The following CIITA variants were observed in gnomAD, a reference collection of about 807,000 sequenced individuals.
The protein encoded by CIITA is MHC class II transactivator.
Under a neutral mutation model 115.1 loss-of-function variants are expected in CIITA, and 72 were observed. That is an observed-to-expected ratio of 0.63 (90% CI 0.52 to 0.76). The LOEUF is 0.76. CIITA is among the 30% of genes least tolerant of loss of function. CIITA has a pLI of 0.00. For missense variants in CIITA, 1,617 were observed against 1,463.8 expected (o/e 1.10, Z -1.71); for synonymous variants, 763 against 635.6 (o/e 1.20, Z -3.02).
Position 10,891,973 on chromosome 16 carries a change from C to T in CIITA, c.53-3309C>T, listed in dbSNP as rs115059343. Among the ~76,000 whole-genome samples, 978 of 152,260 alleles carry T rather than the reference C, an allele frequency of 6.4e-3. 9 individuals carry two copies. Among genetic ancestry groups the T allele is most frequent in the African/African-American group, 0.022 (934 of 41,550 alleles). ...TGGAAAGATCATTCTCTGTGACATC[C>T]GGGGGTCTGTGCTGAGCCTCTCCCC... On this transcript the variant is annotated intron_variant, in intron 1 of 19. Transcript: ENST00000324288.
At chr16:10,939,591 A>AT (rs2041073682), downstream of CIITA, 1 of 152,184 alleles carries the variant, frequency 6.6e-6, no homozygotes. This position sits in a 1 kb window ranked among gnomAD's most constrained non-coding sequence, Gnocchi z 4.9. Context: ...CTTCTATCAA[A>AT]TTAAGGCTCA....
chr16:10,913,897 C>T (rs1016157918), intron 13 of CIITA, among the ~76,000 whole-genome samples: 2 of 151,106 alleles, frequency 1.3e-5, no homozygotes, highest in African/African-American at 2.4e-5. Context: ...GCTGAGATCA[C>T]GCCACTGCAG....
At chr16:10,874,522 C>G (rs150373753), upstream of CIITA, among the ~76,000 whole-genome samples, 10 of 152,334 alleles carry the variant, frequency 6.6e-5, no homozygotes, top group African/African-American at 2.4e-4. Flanking sequence ...CATCTGTAGA[C>G]TCTCTACCCT....
chr16:10,877,481 TGAGGATGGGAACAG>T lies in CIITA; in HGVS notation c.52+103_52+116del, dbSNP rs1337999310. On this transcript the variant is annotated intron_variant, in intron 1 of 19. Transcript: ENST00000324288. ...AACCATTCTGAATTGGGGATGGGGG[TGAGGATGGGAACAG>T]GAGTCTGTGTCCTGCTGGGGCAGGC... 4.8e-6 allele frequency: 6 copies of T among 1,241,196 alleles called. No individual in the cohort carries two copies. In the South Asian group the frequency reaches 5.1e-5, roughly 11 times the overall value. The allele number at this position is 1,241,196 out of a possible 1,614,324, so 76.9% of individuals were successfully genotyped here. A position where few individuals can be genotyped will look rare whatever the true frequency, so the allele number is the denominator to read the frequency against.
intron 15 of CIITA, among the ~76,000 whole-genome samples, chr16:10,918,189 A>G (rs1239898503): frequency 6.6e-6 from 1 of 152,262 alleles, no homozygotes; most frequent in Non-Finnish European, 1.5e-5. Context: ...AGTGGCGCAG[A>G]GGGAAAAGAG....
chr16:10,884,809 C>T (rs534007571), intron 1 of CIITA, among the ~76,000 whole-genome samples: 27 of 152,292 alleles, frequency 1.8e-4, no homozygotes, highest in Admixed American at 4.6e-4. Context: ...CTTCCTGCTC[C>T]TTCTCTGTGT....
chr16:10,895,148 A>G, intron 1 of CIITA, 134 bp from the exon 2 acceptor site: 6 of 980,870 alleles, frequency 6.1e-6, no homozygotes, highest in Admixed American at 5.4e-5. Context: ...CTGAGCATAT[A>G]AGAGGTGCTG....
chr16:10,903,797 C>T lies in CIITA; in HGVS notation c.839C>T (p.Ser280Phe), dbSNP rs759597092. ...TTCACTGTCCACGGCCTCCCAACAT[C>T]TCCAGACCGGCCAGGCTCCACCAGC... is the stretch of plus-strand genomic sequence containing the variant. ...SGFTVHGLPT[S>F]PDRPGSTSPF... is the part of the protein sequence containing the mutation. Residue 280 changes from serine to phenylalanine, a missense_variant, in exon 9 of 20, where the codon TCT becomes TTT. Coordinates refer to ENST00000324288, the MANE Select transcript of CIITA (RefSeq NM_000246.4). 1.9e-5 allele frequency: 31 copies of T among 1,614,114 alleles called. No homozygotes were observed. Among genetic ancestry groups the T allele is most frequent in the African/African-American group, 6.7e-5 (5 of 74,930 alleles).
intron 12 of CIITA, 53 bp downstream of exon 12, chr16:10,909,240 G>A (rs1266721290): frequency 1.8e-5 from 28 of 1,589,216 alleles, no homozygotes; most frequent in Non-Finnish European, 2.4e-5. Context: ...TTGAGGACAT[G>A]TAGGACCCAT....
intron 15 of CIITA, 114 bp downstream of exon 15, chr16:10,916,573 G>C: frequency 1.1e-6 from 1 of 893,588 alleles, no homozygotes. Flanking sequence ...TGTCACCCAG[G>C]CTAGAATATA....
At chr16:10,871,116 C>T (rs1360312964) in intron 1 of CIITA, among the ~76,000 whole-genome samples, 2 of 152,232 alleles carry the variant, frequency 1.3e-5, no homozygotes, top group Non-Finnish European at 2.9e-5. Context: ...TTGAGCACTT[C>T]CCGGGCGCCC....
intron 5 of CIITA, among the ~76,000 whole-genome samples, chr16:10,900,357 T>A (rs2038594782): frequency 6.6e-6 from 1 of 152,244 alleles, no homozygotes; most frequent in Non-Finnish European, 1.5e-5. Flanking sequence ...GACACGGTCC[T>A]ATCTTCAGCA....
Position 10,941,476 on chromosome 16 carries a change from C to A in CIITA, n.602C>A. On this transcript the variant is annotated non_coding_transcript_exon_variant, in exon 2 of 2. Coordinates refer to the CIITA transcript ENST00000573379. This position sits in a 1 kb window ranked among gnomAD's most constrained non-coding sequence, Gnocchi z 6.4. ...TGGAGGAGGTGAACGGAGGAGAAGC[C>A]TGAGGGAGGGGTGTGTATCCGGCCT... is the stretch of plus-strand genomic sequence containing the variant. 8.0e-7 allele frequency: 1 copy of A among 1,253,042 alleles called. No homozygotes were observed. The highest frequency in any genetic ancestry group is 1.0e-6 in the Non-Finnish European group (1 of 968,482). 77.6% of individuals were successfully genotyped at this position (1,253,042 alleles called of 1,614,324 possible).
intron 5 of CIITA, among the ~76,000 whole-genome samples, chr16:10,900,832 C>T (rs1330279516): frequency 2.0e-5 from 3 of 152,116 alleles, no homozygotes; most frequent in Admixed American, 6.5e-5. Flanking sequence ...TTTGATTCTA[C>T]AATTAATGTT....
chr16:10,883,149 G>A (rs2036595147), intron 1 of CIITA, among the ~76,000 whole-genome samples: 1 of 152,148 alleles, frequency 6.6e-6, no homozygotes, highest in Non-Finnish European at 1.5e-5. Flanking sequence ...AGCCGGATGG[G>A]TCAGGACTGG....
Position 10,898,705 on chromosome 16 carries a change from C to A in CIITA, c.331C>A (p.Leu111Met), listed in dbSNP as rs368329679. 5 of 1,611,864 alleles carry A rather than the reference C, an allele frequency of 3.1e-6. No homozygotes were observed. The highest frequency in any genetic ancestry group is 4.2e-6 in the Non-Finnish European group (5 of 1,179,202). The change falls in exon 4 of 20, where the codon CTG becomes ATG. Residue 111 changes from leucine (L) to methionine (M), a missense_variant. Coordinates refer to ENST00000324288, the MANE Select transcript of CIITA (RefSeq NM_000246.4). ...CCAGTATGTCTTCCAGGACTCCCAG[C>A]TGGAGGGCCTGAGCAAGGACATTTT... ...LDQYVFQDSQLEGLSKDIFKH... is the reference protein window; with the variant it reads ...LDQYVFQDSQMEGLSKDIFKH...
chr16:10,901,326 T>A lies in CIITA; in HGVS notation c.437-188T>A, dbSNP rs1231710319. ...TCTGCTGCTACACTGCCTGGTATGGTTTGAGATGGGGTTTGGGTTCAAGCC... is the reference window on the plus strand; with the variant it reads ...TCTGCTGCTACACTGCCTGGTATGGATTGAGATGGGGTTTGGGTTCAAGCC... On this transcript the variant is annotated intron_variant, in intron 5 of 19. Transcript: ENST00000324288. The surrounding 1 kb of genome is among the most constrained non-coding windows in gnomAD (Gnocchi z 6.8). Among the ~76,000 whole-genome samples the A allele has an allele frequency of 6.6e-6, 1 of 151,950 alleles. No homozygotes were observed. Among genetic ancestry groups the A allele is most frequent in the Non-Finnish European group, 1.5e-5 (1 of 67,970 alleles).
chr16:10,921,997 G>T (rs1025666555), intron 16 of CIITA, among the ~76,000 whole-genome samples, 170 bp from the exon 17 acceptor site: 1 of 152,208 alleles, frequency 6.6e-6, no homozygotes, highest in African/African-American at 2.4e-5. Context: ...CATCCCAATG[G>T]CCTATGTAAG....
chr16:10,906,928 C>T lies in CIITA; in HGVS notation c.1436C>T (p.Ala479Val), dbSNP rs901729238. 15 of 1,613,212 alleles carry T rather than the reference C, an allele frequency of 9.3e-6. No homozygotes were observed. Among genetic ancestry groups the T allele is most frequent in the African/African-American group, 4.0e-5 (3 of 74,906 alleles). The change falls in exon 11 of 20, where the codon GCG (alanine) becomes GTG (valine). Residue 479 changes from alanine to valine, a missense_variant. Transcript: ENST00000324288. ...LFSLGPQPLV[A>V]ADEVFSHILK... Reference sequence around the variant, plus strand: ...TCCCTGGGCCCACAGCCACTCGTGGCGGCCGATGAGGTTTTCAGCCACATC... The same window carrying T: ...TCCCTGGGCCCACAGCCACTCGTGGTGGCCGATGAGGTTTTCAGCCACATC...
Sources: gnomAD v4.1 joint callset for allele counts (sites outside exome capture counted in the v4.1 genomes callset) on GRCh38, gnomAD v4.1.1 for gene constraint, Gnocchi (gnomAD v3.1) non-coding constraint, MANE v1.5 for transcripts, NCBI Gene and HGNC (gene_info 2026-07-23, HGNC 2026-07-21) for gene names.